SYTL3: variants seen among roughly 807,000 people sequenced by gnomAD.
SYTL3 encodes synaptotagmin-like protein 3.
In SYTL3, 88 loss-of-function variants were observed where a neutral mutation model predicts 82.1. The ratio of observed to expected loss-of-function variants is 1.07; its 90% confidence interval spans 0.90 to 1.28. The LOEUF (loss-of-function observed/expected upper bound fraction) is 1.28, where lower values mean the gene tolerates loss of function less well. SYTL3 is among the 50% of genes most tolerant of loss of function. The pLI, the probability that SYTL3 is intolerant of heterozygous loss-of-function variation, is 0.00. For missense variants in SYTL3, 831 were observed against 757.6 expected, an observed-to-expected ratio of 1.10 and a Z score of -1.14; for synonymous variants, 311 against 289.4, an observed-to-expected ratio of 1.07 and a Z score of -0.76.
chr6:158,725,833 C>A, intron 11 of SYTL3, 196 bp downstream of exon 11: 1 of 795,512 alleles, frequency 1.3e-6, no homozygotes. Flanking sequence ...ATCCTCAGGC[C>A]TGTGTCTTGG....
intron 15 of SYTL3, 68 bp from the exon 16 acceptor site, chr6:158,762,008 G>C: frequency 8.9e-7 from 1 of 1,127,758 alleles, no homozygotes; most frequent in Middle Eastern, 2.4e-4. Flanking sequence ...TCGGTTTTGG[G>C]GTGGTGGTAC....
intron 12 of SYTL3, among the ~76,000 whole-genome samples, chr6:158,750,010 G>A (rs1338504450): frequency 6.6e-6 from 1 of 152,118 alleles, no homozygotes; most frequent in Middle Eastern, 3.2e-3. Flanking sequence ...TAAGACAAAT[G>A]TTCATCAACA....
At chr6:158,670,990 G>A (rs1247147605) in intron 5 of SYTL3, among the ~76,000 whole-genome samples, 1 of 151,710 alleles carries the variant, frequency 6.6e-6, no homozygotes, top group African/African-American at 2.4e-5. Flanking sequence ...ATTTTTAGTA[G>A]AGACAGGGTT....
chr6:158,728,877 T>G (rs917567315), intron 11 of SYTL3, among the ~76,000 whole-genome samples: 10 of 151,610 alleles, frequency 6.6e-5, no homozygotes, highest in African/African-American at 2.4e-4. Context: ...TATAAATAAA[T>G]AAAACACAAA....
intron 9 of SYTL3, among the ~76,000 whole-genome samples, chr6:158,717,828 G>A (rs1783601284): frequency 6.6e-6 from 1 of 152,152 alleles, no homozygotes; most frequent in East Asian, 1.9e-4. Flanking sequence ...CTCTCACCCT[G>A]ACCATGGCCT....
intron 11 of SYTL3, among the ~76,000 whole-genome samples, chr6:158,730,184 A>T (rs1785224515): frequency 6.6e-6 from 1 of 152,210 alleles, no homozygotes; most frequent in African/African-American, 2.4e-5. Context: ...TCTATTGCCT[A>T]TACCTATTTT....
At chr6:158,742,690 C>G (rs1272233162) in intron 11 of SYTL3, among the ~76,000 whole-genome samples, 1 of 152,018 alleles carries the variant, frequency 6.6e-6, no homozygotes, top group Non-Finnish European at 1.5e-5. Context: ...ATTATCCTGC[C>G]TCAGCCTCCT....
At chr6:158,707,084 C>G in intron 6 of SYTL3, 146 bp from the exon 7 acceptor site, 1 of 814,226 alleles carries the variant, frequency 1.2e-6, no homozygotes, top group South Asian at 1.7e-5. Flanking sequence ...AATTTTGGAA[C>G]ATTTCTATCA....
At chr6:158,704,353 C>T (rs1376232756) in intron 6 of SYTL3, among the ~76,000 whole-genome samples, 1 of 152,248 alleles carries the variant, frequency 6.6e-6, no homozygotes, top group African/African-American at 2.4e-5. Context: ...CCGCCTGTGC[C>T]CCGCGTCGCT....
rs1783163353 is a variant in SYTL3, at chr6:158,714,721, G to A, written c.595+843G>A. Reference sequence around the variant, plus strand: ...AGTGTGCTCAAGGGTCCTTAGGCATGGATTTCTCTTTCACTGTGTTTCTGC... The same window carrying A: ...AGTGTGCTCAAGGGTCCTTAGGCATAGATTTCTCTTTCACTGTGTTTCTGC... On this transcript the variant is annotated intron_variant, in intron 9 of 17. Coordinates refer to ENST00000611299, the MANE Select transcript of SYTL3 (RefSeq NM_001242394.2). 2.0e-5 allele frequency among the ~76,000 whole-genome samples: 3 copies of A among 152,160 alleles called. No homozygotes were observed. The South Asian group carries it at 6.2e-4, about 32-fold the overall frequency.
intron 11 of SYTL3, among the ~76,000 whole-genome samples, chr6:158,729,402 A>G (rs1308903014): frequency 6.6e-6 from 1 of 152,014 alleles, no homozygotes; most frequent in African/African-American, 2.4e-5. Flanking sequence ...TAAAGGCCTG[A>G]ATCCCATTCA....
At chr6:158,759,822 T>C (rs915413967) in intron 14 of SYTL3, among the ~76,000 whole-genome samples, 2 of 152,180 alleles carry the variant, frequency 1.3e-5, no homozygotes, top group African/African-American at 4.8e-5. Context: ...TGAGTCACCA[T>C]GCTTGGCCTC....
At chr6:158,739,596 C>T (rs965805105) in intron 11 of SYTL3, among the ~76,000 whole-genome samples, 1 of 152,024 alleles carries the variant, frequency 6.6e-6, no homozygotes. Flanking sequence ...CTCTTTCTCT[C>T]CCTCTCCCAT....
intron 12 of SYTL3, among the ~76,000 whole-genome samples, chr6:158,751,257 C>T (rs990846361): frequency 6.6e-6 from 1 of 151,276 alleles, no homozygotes; most frequent in Non-Finnish European, 1.5e-5. Context: ...GCTTGGGCTG[C>T]TGCTGGTTGG....
At chr6:158,675,567 A>G (rs939343113) in intron 5 of SYTL3, among the ~76,000 whole-genome samples, 15 of 152,264 alleles carry the variant, frequency 9.9e-5, no homozygotes, top group African/African-American at 3.6e-4. Flanking sequence ...TAATCCCAGC[A>G]CTTTGGGAGG....
chr6:158,745,532 A>G lies in SYTL3; in HGVS notation c.908A>G (p.Asn303Ser). The change falls in exon 12 of 18, where the codon AAT (asparagine) becomes AGT (serine). Residue 303 changes from asparagine (N) to serine (S), a missense_variant. Physicochemically the swap from Asn to Ser is conservative, Grantham distance 46. Transcript: ENST00000611299. ...TGTACAGAGATGGGCAATTTTGACA[A>G]TGCTAATGTCACTGGAGAAATAGAA... ...STCTEMGNFD[N>S]ANVTGEIEFA... The G allele has an allele frequency of 2.5e-6, 4 of 1,613,722 alleles. No homozygotes were observed. Among genetic ancestry groups the G allele is most frequent in the Non-Finnish European group, 3.4e-6 (4 of 1,179,912 alleles).
intron 5 of SYTL3, among the ~76,000 whole-genome samples, chr6:158,677,235 G>A (rs1324913057): frequency 1.3e-5 from 2 of 152,096 alleles, no homozygotes; most frequent in African/African-American, 4.8e-5. Flanking sequence ...CATAAAAAAG[G>A]ATGAGTTCAT....
At chr6:158,692,713 G>A (rs995449326) in intron 6 of SYTL3, among the ~76,000 whole-genome samples, 6 of 151,628 alleles carry the variant, frequency 4.0e-5, no homozygotes, top group African/African-American at 7.3e-5. Flanking sequence ...CAAGGAGGGC[G>A]GATCACGAGA....
intron 12 of SYTL3, 33 bp from the exon 13 acceptor site, chr6:158,751,895 T>C: frequency 6.6e-7 from 1 of 1,524,924 alleles, no homozygotes. Flanking sequence ...TTCCCTGAGT[T>C]CTCACTCTGT....
Sources: allele counts gnomAD v4.1 joint callset (sites outside exome capture counted in the v4.1 genomes callset), GRCh38; gene constraint gnomAD v4.1.1; transcripts MANE v1.5; gene names NCBI Gene and HGNC (gene_info 2026-07-23, HGNC 2026-07-21).